WWOX: variants seen among roughly 807,000 people sequenced by gnomAD.
WWOX encodes the protein WW domain containing oxidoreductase.
A neutral mutation model predicts 46.2 loss-of-function variants in WWOX; 69 were observed. That is an observed-to-expected ratio of 1.49 (90% CI 1.23 to 1.82). WWOX has a LOEUF of 1.82. Ranked by LOEUF, WWOX falls within the 40% of genes most tolerant of loss-of-function variation. The pLI is 0.00. For missense variants in WWOX, 919 were observed against 542.6 expected (o/e 1.69, Z -6.89); for synonymous variants, 359 against 202.6 (o/e 1.77, Z -6.56).
At chr16:78,403,162 G>A (rs1052412849) in intron 6 of WWOX, among the ~76,000 whole-genome samples, 1 of 152,190 alleles carries the variant, frequency 6.6e-6, no homozygotes, top group African/African-American at 2.4e-5. Flanking sequence ...TATTTTTTGA[G>A]TGACTTGACC....
chr16:78,488,434 G>C (rs2084693857), intron 8 of WWOX, among the ~76,000 whole-genome samples: 1 of 151,952 alleles, frequency 6.6e-6, no homozygotes, highest in South Asian at 2.1e-4. Context: ...CCCTTTTTTA[G>C]GACCCAAGAG....
chr16:78,924,893 C>A (rs532444867), intron 8 of WWOX, among the ~76,000 whole-genome samples: 2 of 152,098 alleles, frequency 1.3e-5, no homozygotes, highest in African/African-American at 4.8e-5. Context: ...CAATGTTTGT[C>A]TTTTCAAATA....
chr16:78,596,054 T>C (rs562673301), intron 8 of WWOX, among the ~76,000 whole-genome samples: 1 of 152,326 alleles, frequency 6.6e-6, no homozygotes, highest in East Asian at 1.9e-4. Flanking sequence ...CTCTTTGTTG[T>C]TTCTGCTCAT....
At chr16:78,361,998 C>A (rs1163788948) in intron 5 of WWOX, among the ~76,000 whole-genome samples, 1 of 136,004 alleles carries the variant, frequency 7.4e-6, no homozygotes, top group Non-Finnish European at 1.6e-5. Flanking sequence ...TTATTAATAC[C>A]TCCATTTATT....
Position 79,033,172 on chromosome 16 carries a change from A to G in WWOX, c.1057-178436A>G, listed in dbSNP as rs2047798892. On this transcript the variant is annotated intron_variant, in intron 8 of 8. Coordinates refer to ENST00000566780, the MANE Select transcript of WWOX (RefSeq NM_016373.4). ...TATATATAATATATATATAAAATAT[A>G]TATTATGTATAGATAATTTATATAT... Among the ~76,000 whole-genome samples, 6 of 145,640 alleles carry G rather than the reference A, an allele frequency of 4.1e-5. No individual in the cohort carries two copies. In the South Asian group the frequency reaches 1.1e-3, roughly 26 times the overall value.
At chr16:78,333,170 C>T (rs1338434425) in intron 5 of WWOX, among the ~76,000 whole-genome samples, 1 of 149,776 alleles carries the variant, frequency 6.7e-6, no homozygotes, top group Non-Finnish European at 1.5e-5. Context: ...CCTGCCTCAG[C>T]CTCCTGGGTA....
chr16:78,483,545 C>G (rs574389916), intron 8 of WWOX, among the ~76,000 whole-genome samples: 2 of 151,778 alleles, frequency 1.3e-5, no homozygotes, highest in East Asian at 1.9e-4. Context: ...CCAACAGAAC[C>G]GGCCTTTCCC....
chr16:78,243,613 C>T (rs1308008854), intron 5 of WWOX, among the ~76,000 whole-genome samples: 1 of 152,138 alleles, frequency 6.6e-6, no homozygotes, highest in African/African-American at 2.4e-5. Context: ...GTGGCACCAT[C>T]TTGGCTCACT....
chr16:78,505,129 C>A (rs1041096706), intron 8 of WWOX, among the ~76,000 whole-genome samples: 3 of 152,126 alleles, frequency 2.0e-5, no homozygotes, highest in Non-Finnish European at 4.4e-5. Flanking sequence ...CAGGCAGCCC[C>A]CACTCTTCAG....
At chr16:78,128,160 T>A (rs2033438316) in intron 4 of WWOX, among the ~76,000 whole-genome samples, 1 of 151,826 alleles carries the variant, frequency 6.6e-6, no homozygotes, top group African/African-American at 2.4e-5. Context: ...AATTCCTTAA[T>A]GGAAAGAATA....
chr16:78,499,670 A>C (rs935399732), intron 8 of WWOX, among the ~76,000 whole-genome samples: 8 of 152,012 alleles, frequency 5.3e-5, no homozygotes, highest in African/African-American at 1.9e-4. Flanking sequence ...CTTCCCTATT[A>C]GGCTTTGACT....
intron 5 of WWOX, among the ~76,000 whole-genome samples, chr16:78,268,909 A>G (rs1474325773): frequency 2.0e-5 from 3 of 152,124 alleles, no homozygotes; most frequent in African/African-American, 7.2e-5. Context: ...TCCTTCATCT[A>G]ATTCTATCCC....
At chr16:78,744,708 A>T (rs1034123503) in intron 8 of WWOX, among the ~76,000 whole-genome samples, 4 of 152,190 alleles carry the variant, frequency 2.6e-5, no homozygotes, top group African/African-American at 9.7e-5. Context: ...CTGGGATTAC[A>T]GGCGTGAGCC....
intron 7 of WWOX, among the ~76,000 whole-genome samples, chr16:78,432,069 G>A (rs2083232041): frequency 6.6e-6 from 1 of 150,998 alleles, no homozygotes; most frequent in African/African-American, 2.4e-5. Flanking sequence ...ACTTTGTTTT[G>A]ATGTATGTAA....
Position 78,904,718 on chromosome 16 carries a change from C to T in WWOX, c.1057-306890C>T, listed in dbSNP as rs570927987. Reference sequence around the variant, plus strand: ...TTATGCTGGGACAATAGGCGTATGTCAAGATATCTGGTCACCCTATCTATG... The same window carrying T: ...TTATGCTGGGACAATAGGCGTATGTTAAGATATCTGGTCACCCTATCTATG... On this transcript the variant is annotated intron_variant, in intron 8 of 8. Coordinates refer to ENST00000566780, the MANE Select transcript of WWOX (RefSeq NM_016373.4). 2.6e-5 allele frequency among the ~76,000 whole-genome samples: 4 copies of T among 152,286 alleles called. No homozygotes were observed. In the South Asian group the frequency reaches 8.3e-4, roughly 32 times the overall value.
chr16:78,704,218 T>C (rs532734093), intron 8 of WWOX, among the ~76,000 whole-genome samples: 1 of 152,156 alleles, frequency 6.6e-6, no homozygotes, highest in South Asian at 2.1e-4. Context: ...GTCTATAAAA[T>C]GGAAACAGTG....
chr16:78,908,313 G>C (rs558211190), intron 8 of WWOX, among the ~76,000 whole-genome samples: 10 of 152,258 alleles, frequency 6.6e-5, no homozygotes, highest in Admixed American at 1.3e-4. Flanking sequence ...GCCAAGGAGG[G>C]TGGTTCAACT....
chr16:78,422,147 A>T (rs191469530), intron 6 of WWOX, among the ~76,000 whole-genome samples: 195 of 152,282 alleles, frequency 1.3e-3, no homozygotes, highest in African/African-American at 4.5e-3. Flanking sequence ...TCTTAAGAAG[A>T]TACGTGTTTG....
chr16:78,627,402 C>T (rs1054310134), intron 8 of WWOX, among the ~76,000 whole-genome samples: 8 of 152,136 alleles, frequency 5.3e-5, no homozygotes, highest in African/African-American at 1.9e-4. Context: ...TTACCTGTGT[C>T]CTCTCTATAC....
Sources: allele counts gnomAD v4.1 joint callset (sites outside exome capture counted in the v4.1 genomes callset), GRCh38; gene constraint gnomAD v4.1.1; transcripts MANE v1.5; gene names NCBI Gene and HGNC (gene_info 2026-07-23, HGNC 2026-07-21).